Variants in TBCK observed in about 807,000 individuals in gnomAD.
TBCK encodes the protein TBC1 domain containing kinase, also known as TBC domain-containing protein kinase-like protein.
Under a neutral mutation model 113.4 loss-of-function variants are expected in TBCK, and 99 were observed. The observed-to-expected ratio is 0.87, with a 90% confidence interval of 0.74 to 1.03. The LOEUF (loss-of-function observed/expected upper bound fraction) is 1.03. Ranked by LOEUF, TBCK falls within the 50% of genes least tolerant of loss-of-function variation. The pLI is 0.00. For missense variants in TBCK, 1,045 were observed against 1,061.3 expected, an observed-to-expected ratio of 0.98 and a Z score of 0.21; for synonymous variants, 369 against 370.8, an observed-to-expected ratio of 1.00 and a Z score of 0.05.
intron 25 of TBCK, among the ~76,000 whole-genome samples, chr4:106,050,562 C>T (rs1352757927): frequency 2.6e-5 from 4 of 152,046 alleles, no homozygotes; most frequent in Non-Finnish European, 5.9e-5. Flanking sequence ...CTAACTCTTT[C>T]TAAATTAAGC....
chr4:106,194,527 T>C lies in TBCK; in HGVS notation c.1897+191A>G, dbSNP rs57675949. On this transcript the variant is annotated intron_variant, in intron 21 of 25. Transcript: ENST00000394708. Reference sequence around the variant, plus strand: ...AAATGTCCAATAGGTTTTTATTTTATAGAATTCTCACTTTGATATTCAGGG... The same window carrying C: ...AAATGTCCAATAGGTTTTTATTTTACAGAATTCTCACTTTGATATTCAGGG... Among the ~76,000 whole-genome samples, 6,864 of 152,146 alleles carry C rather than the reference T, an allele frequency of 0.045. 514 individuals carry two copies. The highest frequency in any genetic ancestry group is 0.15 in the African/African-American group (6,424 of 41,512).
At chr4:106,297,305 T>C (rs1274417480) in intron 2 of TBCK, among the ~76,000 whole-genome samples, 1 of 152,188 alleles carries the variant, frequency 6.6e-6, no homozygotes, top group Non-Finnish European at 1.5e-5. Flanking sequence ...AATTTACTGT[T>C]AAAGTCTGTC....
At chr4:106,187,928 T>A (rs1017666699) in intron 22 of TBCK, among the ~76,000 whole-genome samples, 4 of 152,186 alleles carry the variant, frequency 2.6e-5, no homozygotes, top group Non-Finnish European at 4.4e-5. Context: ...AAAGTTTTCA[T>A]CAAATCTAGG....
At chr4:106,257,754 T>C (rs1217635175) in intron 5 of TBCK, among the ~76,000 whole-genome samples, 1 of 152,084 alleles carries the variant, frequency 6.6e-6, no homozygotes, top group African/African-American at 2.4e-5. Context: ...CTAATTTCAG[T>C]TCTACCACAT....
At chr4:106,191,355 T>C (rs1456943726) in intron 22 of TBCK, among the ~76,000 whole-genome samples, 1 of 152,158 alleles carries the variant, frequency 6.6e-6, no homozygotes, top group Non-Finnish European at 1.5e-5. Flanking sequence ...AAAATGAAAA[T>C]AGTATTATTC....
chr4:106,152,746 TCA>T (rs1281141153), intron 23 of TBCK, among the ~76,000 whole-genome samples: 1 of 152,110 alleles, frequency 6.6e-6, no homozygotes, highest in Non-Finnish European at 1.5e-5. Context: ...TATTATGGCT[TCA>T]CTCTCATTAC....
intron 22 of TBCK, among the ~76,000 whole-genome samples, chr4:106,176,226 C>T (rs1170058385): frequency 6.6e-6 from 1 of 152,032 alleles, no homozygotes; most frequent in Non-Finnish European, 1.5e-5. Flanking sequence ...TTATTGTTAA[C>T]TATAGTCATC....
intron 3 of TBCK, among the ~76,000 whole-genome samples, chr4:106,264,335 G>C (rs953326519): frequency 2.0e-5 from 3 of 151,974 alleles, no homozygotes; most frequent in Admixed American, 2.0e-4. Flanking sequence ...AAGTAAAAAA[G>C]ACAGGTAGGT....
chr4:106,155,912 G>A (rs925447652), intron 23 of TBCK, among the ~76,000 whole-genome samples: 1 of 151,954 alleles, frequency 6.6e-6, no homozygotes, highest in Non-Finnish European at 1.5e-5. Flanking sequence ...ATTTAGTGAG[G>A]TCATGCTTTC....
intron 22 of TBCK, among the ~76,000 whole-genome samples, chr4:106,171,766 C>T (rs569248259): frequency 1.5e-4 from 23 of 151,974 alleles, no homozygotes; most frequent in Non-Finnish European, 2.9e-4. Flanking sequence ...AGTTTTACTG[C>T]CATTAAATAA....
At chr4:106,281,778 C>T (rs6533245) in intron 3 of TBCK, among the ~76,000 whole-genome samples, 25,611 of 151,954 alleles carry the variant, frequency 0.17, 2,161 homozygotes, top group South Asian at 0.25. Flanking sequence ...TTGATCATGA[C>T]GAATGATCTT....
At chr4:106,267,089 G>A (rs567134524) in intron 3 of TBCK, among the ~76,000 whole-genome samples, 31 of 151,912 alleles carry the variant, frequency 2.0e-4, no homozygotes, top group Admixed American at 5.3e-4. Context: ...AGACAAACCC[G>A]TCAGTAACCA....
At chr4:106,315,431 T>C (rs952813139) in intron 1 of TBCK, 1 of 152,218 alleles carries the variant, frequency 6.6e-6, no homozygotes, top group Non-Finnish European at 1.5e-5. Context: ...TCATTTATTT[T>C]ATATATACAT....
At chr4:106,122,507 C>A (rs1023719617) in intron 23 of TBCK, among the ~76,000 whole-genome samples, 1 of 152,170 alleles carries the variant, frequency 6.6e-6, no homozygotes, top group African/African-American at 2.4e-5. Context: ...AAGAGGGAAT[C>A]CTCCCTAACT....
intron 23 of TBCK, among the ~76,000 whole-genome samples, chr4:106,117,900 T>C (rs945973736): frequency 4.0e-5 from 6 of 151,796 alleles, no homozygotes; most frequent in Non-Finnish European, 8.8e-5. Flanking sequence ...TCCCAGCTAC[T>C]TGGGAGGCTG....
rs1351087075 is a variant in TBCK at position 106,045,061 on chromosome 4, T to C, written c.*1509A>G. The stretch of plus-strand genomic sequence containing the variant: ...CTGAAATGGGAATGTATCTTTCTTT[T>C]TTTTTTTTTTTTTGAGATGGCAGGG... On this transcript the variant is annotated 3_prime_UTR_variant, in exon 26 of 26. Coordinates refer to ENST00000394708, the MANE Select transcript of TBCK (RefSeq NM_001163435.3). 1 of 148,952 alleles carries C rather than the reference T, an allele frequency of 6.7e-6. No individual in the cohort carries two copies. Among genetic ancestry groups the C allele is most frequent in the African/African-American group, 2.5e-5 (1 of 39,898 alleles). 9.2% of individuals were successfully genotyped at this position (148,952 alleles called of 1,614,324 possible).
At chr4:106,048,821 AG>A (rs1219386875) in intron 25 of TBCK, among the ~76,000 whole-genome samples, 1 of 152,160 alleles carries the variant, frequency 6.6e-6, no homozygotes, top group African/African-American at 2.4e-5. Context: ...TGTTATTGTA[AG>A]GAAGTCCCTA....
intron 25 of TBCK, among the ~76,000 whole-genome samples, chr4:106,085,281 C>A (rs577361595): frequency 6.6e-6 from 1 of 151,006 alleles, no homozygotes; most frequent in South Asian, 2.1e-4. Flanking sequence ...AAAAACAAAA[C>A]AAAACAAAAC....
At chr4:106,222,008 G>T (rs909428554) in intron 19 of TBCK, among the ~76,000 whole-genome samples, 7 of 151,932 alleles carry the variant, frequency 4.6e-5, no homozygotes, top group Non-Finnish European at 8.8e-5. Flanking sequence ...ATATAATAAG[G>T]ATATGAATCT....
Sources: allele counts gnomAD v4.1 joint callset (sites outside exome capture counted in the v4.1 genomes callset), GRCh38; gene constraint gnomAD v4.1.1; transcripts MANE v1.5; gene names NCBI Gene and HGNC (gene_info 2026-07-23, HGNC 2026-07-21).